The following ROCK2 variants were observed in gnomAD, a reference collection of about 807,000 sequenced individuals.
The protein encoded by ROCK2 is rho-associated protein kinase 2.
ROCK2 carries 61 observed loss-of-function variants against 195.1 expected under a neutral mutation model. The ratio of observed to expected loss-of-function variants is 0.31; its 90% CI spans 0.25 to 0.39. The LOEUF is 0.39. Ranked by LOEUF, ROCK2 falls within the 10% of genes least tolerant of loss-of-function variation. ROCK2 has a pLI of 1.00. For synonymous variants in ROCK2, 504 were observed against 545.5 expected (o/e 0.92, Z 1.06); for missense variants, 1,109 against 1,637.4 (o/e 0.68, Z 5.57).
At chr2:11,317,612 A>ATATATTTTTTTTTTTT (rs59701503) in intron 1 of ROCK2, among the ~76,000 whole-genome samples, 3 of 19,312 alleles carry the variant, frequency 1.6e-4, no homozygotes, top group Non-Finnish European at 3.1e-4. Flanking sequence ...ATATATATAT[A>ATATATTTTTTTTTTTT]TTTTTTTTTT....
chr2:11,325,760 T>G (rs560907633), intron 1 of ROCK2, among the ~76,000 whole-genome samples: 2 of 151,732 alleles, frequency 1.3e-5, no homozygotes, highest in African/African-American at 4.8e-5. Flanking sequence ...GAGTAGAAAA[T>G]GGATAAAAGA....
intron 1 of ROCK2, among the ~76,000 whole-genome samples, chr2:11,300,284 C>A (rs544171780): frequency 1.3e-5 from 2 of 152,086 alleles, no homozygotes; most frequent in African/African-American, 4.8e-5. Flanking sequence ...TTTTCTGAGA[C>A]GGAGTTTCGC....
intron 3 of ROCK2, among the ~76,000 whole-genome samples, chr2:11,280,247 G>C (rs996740749): frequency 5.9e-5 from 9 of 152,056 alleles, no homozygotes; most frequent in Admixed American, 2.0e-4. Flanking sequence ...CTCTAGCCAG[G>C]TTGGCTAGAA....
At chr2:11,313,428 A>G (rs1158856678) in intron 1 of ROCK2, among the ~76,000 whole-genome samples, 1 of 152,042 alleles carries the variant, frequency 6.6e-6, no homozygotes, top group Non-Finnish European at 1.5e-5. Context: ...GAATAAAATT[A>G]TCTCTTATTG....
At chr2:11,247,057 G>A (rs923405172) in intron 4 of ROCK2, among the ~76,000 whole-genome samples, 12 of 152,166 alleles carry the variant, frequency 7.9e-5, no homozygotes, top group Non-Finnish European at 1.6e-4. Flanking sequence ...GCTATAACAT[G>A]AATGAATGAA....
chr2:11,313,128 T>C (rs1272425268), intron 1 of ROCK2, among the ~76,000 whole-genome samples: 1 of 152,050 alleles, frequency 6.6e-6, no homozygotes, highest in Non-Finnish European at 1.5e-5. Context: ...TGTACTTCAG[T>C]TAATAATAAT....
At chr2:11,204,563 C>G (rs1268472772) in intron 20 of ROCK2, among the ~76,000 whole-genome samples, 1 of 151,962 alleles carries the variant, frequency 6.6e-6, no homozygotes, top group Non-Finnish European at 1.5e-5. Context: ...TCGCTGGGTG[C>G]TAGATCTCCT....
chr2:11,192,764 T>A lies in ROCK2; in HGVS notation c.3688-52A>T, dbSNP rs747881532. ...GATTTCCAAACATGCTATTTTTTTATGTAGGAACAATTCTGATAGTGTAAG... is the reference window on the plus strand; with the variant it reads ...GATTTCCAAACATGCTATTTTTTTAAGTAGGAACAATTCTGATAGTGTAAG... On this transcript the variant is annotated intron_variant, in intron 30 of 32. Transcript: ENST00000315872. The surrounding 1 kb of genome is among the most constrained non-coding windows in gnomAD (Gnocchi z 5.0). The A allele has an allele frequency of 4.5e-6, 7 of 1,544,520 alleles. No individual in the cohort carries two copies. The highest frequency in any genetic ancestry group is 6.1e-6 in the Non-Finnish European group (7 of 1,145,192).
intron 1 of ROCK2, 104 bp from the exon 2 acceptor site, chr2:11,287,840 C>T: frequency 2.4e-6 from 1 of 415,726 alleles, no homozygotes; most frequent in Non-Finnish European, 4.3e-6. Context: ...AGGAAAATGC[C>T]AACCCACTTT....
intron 13 of ROCK2, among the ~76,000 whole-genome samples, 164 bp downstream of exon 13, chr2:11,215,992 AGC>A (rs1664412644): frequency 2.0e-5 from 3 of 152,204 alleles, no homozygotes; most frequent in Non-Finnish European, 4.4e-5. Flanking sequence ...AACAGAATGA[AGC>A]CTATTTATAA....
At chr2:11,329,700 C>CAAA (rs5829300) in intron 1 of ROCK2, among the ~76,000 whole-genome samples, 1 of 147,872 alleles carries the variant, frequency 6.8e-6, no homozygotes, top group Non-Finnish European at 1.5e-5. Context: ...CCCATTTTTA[C>CAAA]AAAAAAAAAA....
rs1667528252 is a variant in ROCK2 at position 11,296,054 on chromosome 2, A to G, written c.142-8318T>C. ...AGAGAGAGAGAGAGAGAGAGAGAAA[A>G]CAAAGGGTCTCAAAGCAGAATAACC... On this transcript the variant is annotated intron_variant, in intron 1 of 32. Coordinates refer to ENST00000315872, the MANE Select transcript of ROCK2 (RefSeq NM_004850.5). Among the ~76,000 whole-genome samples the G allele has an allele frequency of 5.3e-5, 3 of 56,324 alleles. No individual in the cohort carries two copies. In the South Asian group the frequency reaches 1.9e-3, roughly 37 times the overall value. The allele number at this position is 56,324 out of a possible 152,430, so 37.0% of individuals were successfully genotyped here.
chr2:11,318,630 C>T (rs1668302760), intron 1 of ROCK2, among the ~76,000 whole-genome samples: 1 of 152,136 alleles, frequency 6.6e-6, no homozygotes, highest in African/African-American at 2.4e-5. Context: ...TCAATTCTGG[C>T]TTTTGTTGCC....
intron 3 of ROCK2, among the ~76,000 whole-genome samples, chr2:11,279,915 A>G (rs973723364): frequency 1.3e-5 from 2 of 152,246 alleles, no homozygotes; most frequent in African/African-American, 4.8e-5. Flanking sequence ...ATTAAACAAC[A>G]TAATTCTAAA....
chr2:11,207,976 G>C, intron 19 of ROCK2, 66 bp from the exon 20 acceptor site: 5 of 1,221,604 alleles, frequency 4.1e-6, no homozygotes, highest in Non-Finnish European at 5.4e-6. Context: ...CAATGAAGTT[G>C]GTATAAAATA....
intron 20 of ROCK2, among the ~76,000 whole-genome samples, chr2:11,205,630 T>C (rs920001795): frequency 2.3e-4 from 35 of 151,852 alleles, no homozygotes; most frequent in Admixed American, 7.9e-4. Context: ...TATTCACTTA[T>C]GTACCTGCCT....
At chr2:11,187,482 T>C (rs570134846) in intron 32 of ROCK2, among the ~76,000 whole-genome samples, 1 of 152,332 alleles carries the variant, frequency 6.6e-6, no homozygotes, top group East Asian at 1.9e-4. Context: ...GGTCTTGGAC[T>C]ACATATCCCT....
chr2:11,275,923 T>C (rs2100228), intron 3 of ROCK2, among the ~76,000 whole-genome samples: 140,425 of 152,176 alleles, frequency 0.92, 64,987 homozygotes, highest in East Asian at 0.99. Flanking sequence ...TGGTCACAAA[T>C]TCCTGACCTC....
intron 29 of ROCK2, 65 bp from the exon 30 acceptor site, chr2:11,193,922 C>A: frequency 1.2e-6 from 1 of 853,908 alleles, no homozygotes; most frequent in South Asian, 1.6e-5. Flanking sequence ...ATTAATTATT[C>A]TATACTTACA....
Sources: allele counts gnomAD v4.1 joint callset (sites outside exome capture counted in the v4.1 genomes callset), GRCh38; gene constraint gnomAD v4.1.1; non-coding constraint Gnocchi (gnomAD v3.1); transcripts MANE v1.5; gene names NCBI Gene and HGNC (gene_info 2026-07-23, HGNC 2026-07-21).